The following RBAK variants were observed in gnomAD, a reference collection of about 807,000 sequenced individuals.
The protein encoded by RBAK is RB associated KRAB zinc finger, also known as RB-associated KRAB zinc finger protein.
RBAK carries 39 observed loss-of-function variants against 65.8 expected under a neutral mutation model. The ratio of observed to expected loss-of-function variants is 0.59; its 90% confidence interval spans 0.46 to 0.77. RBAK has a LOEUF of 0.77. Among genes scored for constraint, RBAK ranks in the 30% least tolerant of loss-of-function variants. RBAK has a pLI of 0.00. For missense variants in RBAK, 884 were observed against 855.1 expected (o/e 1.03, Z -0.42); for synonymous variants, 343 against 289.7 (o/e 1.18, Z -1.87).
In RBAK at chr7:5,065,142, A is replaced by G. The variant is rs1231608773; in HGVS notation, c.1686A>G (p.Ser562=). 3 of 1,614,026 alleles carry G rather than the reference A, an allele frequency of 1.9e-6. No individual in the cohort carries two copies. In the African/African-American group the frequency reaches 4.0e-5, roughly 22 times the overall value. ...SYYTEHYRSH[S]EEKPYGCSEC... ...ATACTGAACATTATAGAAGTCATTC[A>G]GAAGAGAAACCTTATGGATGTAGCG... Residue 562 remains serine, a synonymous_variant, in exon 5 of 5, where the codon TCA becomes TCG. Coordinates refer to ENST00000396912, the MANE Select transcript of RBAK (RefSeq NM_021163.4). This position sits in a 1 kb window ranked among gnomAD's most constrained non-coding sequence, Gnocchi z 5.3.
intron 4 of RBAK, among the ~76,000 whole-genome samples, chr7:5,061,889 C>A (rs139573831): frequency 6.7e-6 from 1 of 149,450 alleles, no homozygotes; most frequent in East Asian, 2.0e-4. Flanking sequence ...TAGAGCGAGA[C>A]TCCATCTACA....
chr7:5,061,573 G>A (rs1156834494), intron 4 of RBAK, among the ~76,000 whole-genome samples: 1 of 150,154 alleles, frequency 6.7e-6, no homozygotes, highest in South Asian at 2.1e-4. Context: ...TTACAGGCAT[G>A]AGCCACCATG....
At position 5,064,559 on chromosome 7, in the gene RBAK, C is replaced by T. The variant is rs1309685775; in HGVS notation, c.1103C>T (p.Ser368Leu). 6.2e-7 allele frequency: 1 copy of T among 1,613,980 alleles called. No homozygotes were observed. Among genetic ancestry groups the T allele is most frequent in the African/African-American group, 1.3e-5 (1 of 75,030 alleles). Reference protein sequence around the residue: ...THLTLHQRNHSGERPYPCNEC... With the variant: ...THLTLHQRNHLGERPYPCNEC... ...CTCACCCTGCACCAGAGGAATCATT[C>T]AGGAGAGAGGCCCTATCCATGTAAC... The change falls in exon 5 of 5, where the codon TCA (serine) becomes TTA (leucine). Residue 368 changes from serine to leucine, a missense_variant. Ser to Leu is a moderately radical substitution (Grantham distance 145). Transcript: ENST00000396912. This position sits in a 1 kb window ranked among gnomAD's most constrained non-coding sequence, Gnocchi z 6.3.
At chr7:5,054,395 G>C (rs892845953) in intron 2 of RBAK, among the ~76,000 whole-genome samples, 1 of 140,176 alleles carries the variant, frequency 7.1e-6, no homozygotes, top group Admixed American at 7.1e-5. Flanking sequence ...ACAAGAGTGA[G>C]ACTTTGCCTC....
chr7:5,048,015 C>G lies in RBAK; in HGVS notation c.-44-18C>G. On this transcript the variant is annotated intron_variant, in intron 1 of 4. Transcript: ENST00000396912. This position sits in a 1 kb window ranked among gnomAD's most constrained non-coding sequence, Gnocchi z 4.4. ...CCAGAGCACTCATGACTTCAGTGAC[C>G]TGCTTCTCCCCCTCTAGGTCTACCA... The G allele has an allele frequency of 7.2e-7, 1 of 1,395,052 alleles. No homozygotes were observed. The highest frequency in any genetic ancestry group is 9.9e-7 in the Non-Finnish European group (1 of 1,014,680). 86.4% of individuals were successfully genotyped at this position (1,395,052 alleles called of 1,614,324 possible).
At chr7:5,056,078 C>G (rs996316987) in intron 2 of RBAK, among the ~76,000 whole-genome samples, 48 of 150,118 alleles carry the variant, frequency 3.2e-4, no homozygotes, top group African/African-American at 1.1e-3. Flanking sequence ...AGGTGGATTG[C>G]TGGAGCCCAG....
rs955652222 is a variant in RBAK at position 5,068,511 on chromosome 7, A to G, written c.*2910A>G. The G allele has an allele frequency of 6.6e-6, 1 of 152,208 alleles. No individual in the cohort carries two copies. The highest frequency in any genetic ancestry group is 1.9e-4 in the East Asian group (1 of 5,194). The allele number at this position is 152,208 out of a possible 1,614,324, so 9.4% of individuals were successfully genotyped here. ...AGTAATCAGGGAAATGCAAACTTAA[A>G]ACATGTAGCACTGCTACCCATCCAT... On this transcript the variant is annotated 3_prime_UTR_variant, in exon 5 of 5. Transcript: ENST00000396912.
intron 1 of RBAK, among the ~76,000 whole-genome samples, chr7:5,047,601 CTTTTTTTTTTT>C (rs1037439035): frequency 4.0e-5 from 4 of 100,908 alleles, no homozygotes; most frequent in South Asian, 3.3e-4. Flanking sequence ...TTTTCACTCT[CTTTTTTTTTTT>C]TTTTTTTTTT....
intron 2 of RBAK, among the ~76,000 whole-genome samples, chr7:5,053,630 C>A (rs145076317): frequency 6.6e-6 from 1 of 152,208 alleles, no homozygotes; most frequent in Non-Finnish European, 1.5e-5. Context: ...TCCCACAACA[C>A]ACTGTTGCTC....
At position 5,064,149 on chromosome 7, in the gene RBAK, G is replaced by A. The variant is rs1418012242; in HGVS notation, c.693G>A (p.Lys231=). 3.7e-6 allele frequency: 6 copies of A among 1,613,486 alleles called. No homozygotes were observed. The highest frequency in any genetic ancestry group is 4.2e-6 in the Non-Finnish European group (5 of 1,179,692). Residue 231 remains lysine, a synonymous_variant, in exon 5 of 5, where the codon AAG becomes AAA. Coordinates refer to ENST00000396912, the MANE Select transcript of RBAK (RefSeq NM_021163.4). The surrounding 1 kb of genome is among the most constrained non-coding windows in gnomAD (Gnocchi z 6.3). ...ATAAGAGAGCTTACATAGGGGAGAA[G>A]CCCTATGAGTGGAATGATTCTGGAC... ...IAHKRAYIGE[K]PYEWNDSGPD...
intron 3 of RBAK, 89 bp downstream of exon 3, chr7:5,057,510 C>A: frequency 6.2e-7 from 1 of 1,610,380 alleles, no homozygotes; most frequent in Non-Finnish European, 8.5e-7. Context: ...CATTTAATTC[C>A]TTGTGGGCAC....
At chr7:5,049,213 T>G (rs1265232762) in intron 2 of RBAK, among the ~76,000 whole-genome samples, 2 of 152,216 alleles carry the variant, frequency 1.3e-5, no homozygotes, top group Non-Finnish European at 2.9e-5. Flanking sequence ...TGGCTTATTC[T>G]TGGTGCTTAT....
chr7:5,055,983 T>C (rs973101833), intron 2 of RBAK, among the ~76,000 whole-genome samples: 12 of 152,228 alleles, frequency 7.9e-5, no homozygotes, highest in African/African-American at 2.9e-4. Context: ...GCCTGCTTAC[T>C]GGGCACTTCC....
intron 2 of RBAK, among the ~76,000 whole-genome samples, chr7:5,049,867 GCTGCCACAC>G: frequency 6.6e-6 from 1 of 152,118 alleles, no homozygotes; most frequent in South Asian, 2.1e-4. Flanking sequence ...ACAGGCGCAA[GCTGCCACAC>G]CCGACTAATT....
At chr7:5,049,160 C>T (rs62444316) in intron 2 of RBAK, among the ~76,000 whole-genome samples, 19,377 of 152,198 alleles carry the variant, frequency 0.13, 1,587 homozygotes, top group Non-Finnish European at 0.19. Context: ...GATATAATTG[C>T]GGATAGCTTT....
chr7:5,065,206 A>G lies in RBAK; in HGVS notation c.1750A>G (p.Arg584Gly). Residue 584 changes from arginine (R) to glycine (G), a missense_variant, in exon 5 of 5, where the codon AGA becomes GGA. Transcript: ENST00000396912. The surrounding 1 kb of genome is among the most constrained non-coding windows in gnomAD (Gnocchi z 5.3). Reference protein sequence around the residue: ...KTFSHNSSLFRHQRVHTGEKP... With the variant: ...KTFSHNSSLFGHQRVHTGEKP... ...CTTTTCCCATAATTCATCCCTCTTC[A>G]GACATCAAAGAGTACACACAGGCGA... 1 of 1,613,468 alleles carries G rather than the reference A, an allele frequency of 6.2e-7. No individual in the cohort carries two copies. Among genetic ancestry groups the G allele is most frequent in the Non-Finnish European group, 8.5e-7 (1 of 1,179,804 alleles).
intron 4 of RBAK, among the ~76,000 whole-genome samples, chr7:5,063,477 C>CTCTGTGTGTG: frequency 6.8e-6 from 1 of 147,300 alleles, no homozygotes. Flanking sequence ...AATTCTTTCA[C>CTCTGTGTGTG]TGTGTGTGTG....
Position 5,063,756 on chromosome 7 carries a change from G to A in RBAK, c.300G>A (p.Arg100=). Residue 100 remains arginine (R), a synonymous_variant, in exon 5 of 5, where the codon AGG becomes AGA. Coordinates refer to ENST00000396912, the MANE Select transcript of RBAK (RefSeq NM_021163.4). ...RIQENEDKHS[R]QAACINSKTL... ...AAGAAAACGAAGACAAACATTCAAG[G>A]CAAGCTGCTTGTATCAATAGCAAAA... 6.2e-7 allele frequency: 1 copy of A among 1,613,558 alleles called. No homozygotes were observed. The highest frequency in any genetic ancestry group is 8.5e-7 in the Non-Finnish European group (1 of 1,179,884).
rs1033701528 is a variant in RBAK at position 5,055,279 on chromosome 7, T to TGTGC, written c.16-2015_16-2014insTGCG. 5.5e-5 allele frequency among the ~76,000 whole-genome samples: 8 copies of TGTGC among 144,674 alleles called. No homozygotes were observed. In the South Asian group the frequency reaches 8.7e-4, roughly 16 times the overall value. The allele number at this position is 144,674 out of a possible 152,430, so 94.9% of individuals were successfully genotyped here. The stretch of plus-strand genomic sequence containing the variant: ...GTGTGTGTGTGTGTGTGTGTGTGTG[T>TGTGC]GCGTGCGTGTATATACACACAAACT... On this transcript the variant is annotated intron_variant, in intron 2 of 4. Transcript: ENST00000396912.
Sources: gnomAD v4.1 joint callset for allele counts (sites outside exome capture counted in the v4.1 genomes callset) on GRCh38, gnomAD v4.1.1 for gene constraint, Gnocchi (gnomAD v3.1) non-coding constraint, MANE v1.5 for transcripts, NCBI Gene and HGNC (gene_info 2026-07-23, HGNC 2026-07-21) for gene names.